Variants in PBX4 observed in about 807,000 individuals in gnomAD.
PBX4 encodes pre-B-cell leukemia transcription factor 4.
In PBX4, 26 loss-of-function variants were observed where a neutral mutation model predicts 35.1. That is an observed-to-expected ratio of 0.74 (90% CI 0.54 to 1.03). The LOEUF is 1.03. PBX4 is among the 50% of genes least tolerant of loss of function. The probability of loss-of-function intolerance (pLI) is 0.00; values close to 1 mark genes in which losing one functional copy is unlikely to be tolerated. For synonymous variants in PBX4, 199 were observed against 204.2 expected (o/e 0.97, Z 0.22); for missense variants, 448 against 504.3 (o/e 0.89, Z 1.07).
intron 2 of PBX4, among the ~76,000 whole-genome samples, chr19:19,573,315 GA>G (rs1221032300): frequency 0.015 from 1,105 of 71,566 alleles, 19 homozygotes; most frequent in African/African-American, 0.035. Flanking sequence ...CCAAAAAAAA[GA>G]AAAAAAAAAA....
chr19:19,599,999 AG>A (rs2061587118), intron 1 of PBX4, among the ~76,000 whole-genome samples: 1 of 150,552 alleles, frequency 6.6e-6, no homozygotes, highest in East Asian at 1.9e-4. Flanking sequence ...AAAATTCGCC[AG>A]GAACAGTGTC....
At chr19:19,570,479 A>T in intron 3 of PBX4, 107 bp downstream of exon 3, 1 of 1,526,436 alleles carries the variant, frequency 6.6e-7, no homozygotes, top group Non-Finnish European at 8.9e-7. Flanking sequence ...GACCAACTGC[A>T]TGGACTCCCT....
At chr19:19,571,900 G>A (rs1242979667) in intron 2 of PBX4, among the ~76,000 whole-genome samples, 2 of 151,548 alleles carry the variant, frequency 1.3e-5, no homozygotes, top group Non-Finnish European at 2.9e-5. Flanking sequence ...AAGCGTGGTG[G>A]CGCCTGCCTG....
At chr19:19,584,939 T>C (rs2061479919) in intron 2 of PBX4, among the ~76,000 whole-genome samples, 1 of 152,072 alleles carries the variant, frequency 6.6e-6, no homozygotes, top group African/African-American at 2.4e-5. Flanking sequence ...TTTTATCTTA[T>C]GGTTTCCTGG....
At chr19:19,580,411 T>C (rs1385850140) in intron 2 of PBX4, among the ~76,000 whole-genome samples, 1 of 152,166 alleles carries the variant, frequency 6.6e-6, no homozygotes, top group Non-Finnish European at 1.5e-5. Context: ...CCTATGCTAC[T>C]GGCCTCCTGA....
chr19:19,589,833 ACCACAGATCTG>A (rs1599363256), intron 2 of PBX4, among the ~76,000 whole-genome samples: 1 of 152,196 alleles, frequency 6.6e-6, no homozygotes, highest in African/African-American at 2.4e-5. Context: ...GCAGAGATGA[ACCACAGATCTG>A]CCTTGTGCTT....
intron 1 of PBX4, among the ~76,000 whole-genome samples, chr19:19,612,647 G>A (rs1199814614): frequency 1.3e-5 from 2 of 152,110 alleles, no homozygotes; most frequent in African/African-American, 4.8e-5. Context: ...CTGGACTTGA[G>A]TGAACTTTAG....
chr19:19,614,643 G>A (rs1442304343), intron 1 of PBX4, among the ~76,000 whole-genome samples: 1 of 151,970 alleles, frequency 6.6e-6, no homozygotes, highest in Non-Finnish European at 1.5e-5. Flanking sequence ...CTGGACAACA[G>A]AGTATGAGAC....
chr19:19,577,836 C>A (rs764996550), intron 2 of PBX4, among the ~76,000 whole-genome samples: 4 of 139,286 alleles, frequency 2.9e-5, no homozygotes, highest in African/African-American at 8.1e-5. Context: ...TCCAGCCTGG[C>A]GACAAAGGGA....
chr19:19,580,183 C>T (rs1006149933), intron 2 of PBX4, among the ~76,000 whole-genome samples: 3 of 152,220 alleles, frequency 2.0e-5, no homozygotes, highest in African/African-American at 4.8e-5. Context: ...GCCCACCCAC[C>T]GTGTCTGGAA....
At chr19:19,599,257 A>C (rs1297098937) in intron 2 of PBX4, 35 bp downstream of exon 2, 1 of 1,568,840 alleles carries the variant, frequency 6.4e-7, no homozygotes, top group East Asian at 2.3e-5. Context: ...ATGAGCCACC[A>C]CGCTCGGCCA....
At position 19,562,091 on chromosome 19, in the gene PBX4, G is replaced by C; in HGVS notation, c.1059C>G (p.Thr353=). The change falls in exon 8 of 8, where the codon ACC becomes ACG. Residue 353 remains threonine, a synonymous_variant. Coordinates refer to ENST00000251203, the MANE Select transcript of PBX4 (RefSeq NM_025245.3). The surrounding 1 kb of genome is among the most constrained non-coding windows in gnomAD (Gnocchi z 4.8). ...SQAQGSWQGA[T]PQPATASPAG... is the part of the protein sequence containing the mutation. ...CAGGTGAGGCAGTTGCAGGTTGGGG[G>C]GTGGCCCCCTGCCAGCTACCCTGGG... The C allele has an allele frequency of 6.2e-7, 1 of 1,612,406 alleles. No homozygotes were observed. The highest frequency in any genetic ancestry group is 1.1e-5 in the South Asian group (1 of 90,614).
intron 3 of PBX4, 49 bp from the exon 4 acceptor site, chr19:19,570,348 G>A: frequency 1.3e-6 from 2 of 1,550,102 alleles, no homozygotes; most frequent in South Asian, 1.2e-5. Context: ...CAGCAGGGTG[G>A]CACAGGGCAG....
chr19:19,569,269 A>G (rs1946059272), intron 5 of PBX4, among the ~76,000 whole-genome samples, 180 bp downstream of exon 5: 1 of 152,110 alleles, frequency 6.6e-6, no homozygotes, highest in Non-Finnish European at 1.5e-5. Flanking sequence ...TATGTTGCCC[A>G]GGCTGGTCTC....
chr19:19,588,341 A>G, intron 2 of PBX4: 1 of 1,191,026 alleles, frequency 8.4e-7, no homozygotes, highest in Non-Finnish European at 1.2e-6. Context: ...TTGCCATCAC[A>G]TTTTTCACAC....
At chr19:19,615,758 C>T (rs955447415) in intron 1 of PBX4, among the ~76,000 whole-genome samples, 18 of 152,026 alleles carry the variant, frequency 1.2e-4, no homozygotes, top group African/African-American at 4.3e-4. Flanking sequence ...ACGCATGGGG[C>T]GTATGCCTGT....
chr19:19,616,117 C>T (rs1046217579), intron 1 of PBX4, among the ~76,000 whole-genome samples: 5 of 152,112 alleles, frequency 3.3e-5, no homozygotes, highest in Non-Finnish European at 5.9e-5. Flanking sequence ...AAAAGGACTT[C>T]AGTCCTTTCC....
chr19:19,569,778 C>T (rs762097959), intron 4 of PBX4, among the ~76,000 whole-genome samples, 194 bp from the exon 5 acceptor site: 2 of 152,076 alleles, frequency 1.3e-5, no homozygotes, highest in African/African-American at 2.4e-5. Flanking sequence ...GGCATGGTGG[C>T]GGGAGCCTGT....
intron 2 of PBX4, among the ~76,000 whole-genome samples, chr19:19,577,157 T>C (rs953661443): frequency 2.1e-5 from 3 of 145,928 alleles, no homozygotes; most frequent in African/African-American, 7.6e-5. Flanking sequence ...ATTGTGCCAC[T>C]GCACTCCAAC....
Sources: allele counts gnomAD v4.1 joint callset (sites outside exome capture counted in the v4.1 genomes callset), GRCh38; gene constraint gnomAD v4.1.1; non-coding constraint Gnocchi (gnomAD v3.1); transcripts MANE v1.5; gene names NCBI Gene and HGNC (gene_info 2026-07-23, HGNC 2026-07-21).